The following PHACTR1 variants were observed in gnomAD, a reference collection of about 807,000 sequenced individuals.
The protein encoded by PHACTR1 is phosphatase and actin regulator 1, also known as RPEL repeat containing 1.
Under a neutral mutation model 69.2 loss-of-function variants are expected in PHACTR1, and 16 were observed. That is an observed-to-expected ratio of 0.23 (90% confidence interval 0.16 to 0.35). PHACTR1 has a LOEUF of 0.35. Ranked by LOEUF, PHACTR1 falls within the 10% of genes least tolerant of loss-of-function variation. PHACTR1 has a pLI of 1.00. For missense variants in PHACTR1, 510 were observed against 734.7 expected (o/e 0.69, Z 3.54); for synonymous variants, 312 against 284.5 (o/e 1.10, Z -0.97).
At chr6:12,777,583 T>C (rs953401195) in intron 4 of PHACTR1, among the ~76,000 whole-genome samples, 2 of 151,678 alleles carry the variant, frequency 1.3e-5, no homozygotes, top group African/African-American at 4.8e-5. Context: ...TTTTTATGGC[T>C]GCATAATATT....
At chr6:12,927,715 G>C (rs1207492270) in intron 4 of PHACTR1, among the ~76,000 whole-genome samples, 3 of 152,204 alleles carry the variant, frequency 2.0e-5, no homozygotes, top group African/African-American at 4.8e-5. Flanking sequence ...TGATGACAAT[G>C]CCTGGGGCTC....
chr6:13,205,999 C>T lies in PHACTR1; in HGVS notation c.849C>T (p.Ile283=). The change falls in exon 8 of 15, where the codon ATC becomes ATT. Residue 283 remains isoleucine (I), a synonymous_variant. Coordinates refer to ENST00000332995, the MANE Select transcript of PHACTR1 (RefSeq NM_030948.6). ...ACCACACTGTCCTGCCCTCCCAGATCCAGCACCAGCTGCAGTACGGCAGCC... is the reference window on the plus strand; with the variant it reads ...ACCACACTGTCCTGCCCTCCCAGATTCAGCACCAGCTGCAGTACGGCAGCC... ...QHHHTVLPSQ[I]QHQLQYGSHG... is the part of the protein sequence containing the mutation. 6.2e-7 allele frequency: 1 copy of T among 1,614,004 alleles called. No homozygotes were observed. The highest frequency in any genetic ancestry group is 8.5e-7 in the Non-Finnish European group (1 of 1,179,880).
intron 4 of PHACTR1, among the ~76,000 whole-genome samples, chr6:12,802,642 G>C (rs1021544024): frequency 6.6e-6 from 1 of 152,022 alleles, no homozygotes; most frequent in Non-Finnish European, 1.5e-5. Flanking sequence ...AAACTATGAC[G>C]CAATGCTTTT....
intron 8 of PHACTR1, among the ~76,000 whole-genome samples, chr6:13,207,091 G>A (rs1208106012): frequency 3.9e-5 from 6 of 152,168 alleles, no homozygotes; most frequent in African/African-American, 9.7e-5. Context: ...GCACATGCAC[G>A]CACATATTGT....
chr6:13,000,509 C>T (rs1363285180), intron 4 of PHACTR1, among the ~76,000 whole-genome samples: 1 of 151,646 alleles, frequency 6.6e-6, no homozygotes, highest in Non-Finnish European at 1.5e-5. Flanking sequence ...GATTGCACCA[C>T]TGCACTCCAG....
chr6:12,977,647 G>A (rs1003238268), intron 4 of PHACTR1, among the ~76,000 whole-genome samples: 1 of 152,188 alleles, frequency 6.6e-6, no homozygotes, highest in Non-Finnish European at 1.5e-5. Context: ...TGTAAGGATC[G>A]AAGTTAAATG....
intron 5 of PHACTR1, among the ~76,000 whole-genome samples, chr6:13,087,798 A>C (rs966376250): frequency 6.6e-6 from 1 of 151,818 alleles, no homozygotes; most frequent in African/African-American, 2.4e-5. Flanking sequence ...GGTGCATGCC[A>C]CCACGCCTGG....
intron 10 of PHACTR1, among the ~76,000 whole-genome samples, chr6:13,247,878 A>C (rs1773813922): frequency 6.6e-6 from 1 of 152,106 alleles, no homozygotes; most frequent in South Asian, 2.1e-4. Flanking sequence ...AAAAAAAAAC[A>C]AAAATTTTAA....
At chr6:12,874,548 C>T (rs1734643131) in intron 4 of PHACTR1, among the ~76,000 whole-genome samples, 1 of 152,158 alleles carries the variant, frequency 6.6e-6, no homozygotes, top group African/African-American at 2.4e-5. Context: ...CATTTCTATT[C>T]CTTTTAGCTA....
intron 4 of PHACTR1, among the ~76,000 whole-genome samples, chr6:12,784,456 A>G (rs1771254041): frequency 6.6e-6 from 1 of 151,860 alleles, no homozygotes; most frequent in Non-Finnish European, 1.5e-5. Flanking sequence ...ATACACATAT[A>G]CCTATACACA....
chr6:12,913,463 C>G (rs1486928797), intron 4 of PHACTR1, among the ~76,000 whole-genome samples: 1 of 152,180 alleles, frequency 6.6e-6, no homozygotes, highest in Non-Finnish European at 1.5e-5. Flanking sequence ...CATGTCTCCC[C>G]AGGAAATGTC....
chr6:13,246,964 AT>A lies in PHACTR1; in HGVS notation c.1391+16775del, dbSNP rs1239536842. 6.6e-6 allele frequency among the ~76,000 whole-genome samples: 1 copy of A among 152,240 alleles called. No individual in the cohort carries two copies. Among genetic ancestry groups the A allele is most frequent in the Admixed American group, 6.5e-5 (1 of 15,278 alleles). On this transcript the variant is annotated intron_variant, in intron 10 of 14. Transcript: ENST00000332995. The surrounding 1 kb of genome is among the most constrained non-coding windows in gnomAD (Gnocchi z 4.2). ...TGCATACATGCCTAACTAAATAGTA[AT>A]TTTGAGGCAGAATGTAAACAGGGAA...
At chr6:12,845,757 A>G (rs2127749784) in intron 4 of PHACTR1, among the ~76,000 whole-genome samples, 1 of 152,270 alleles carries the variant, frequency 6.6e-6, no homozygotes, top group East Asian at 1.9e-4. Context: ...GCGTCCCTGC[A>G]ATGTACGTTA....
At chr6:13,181,956 G>C (rs911798212) in intron 6 of PHACTR1, among the ~76,000 whole-genome samples, 2 of 152,128 alleles carry the variant, frequency 1.3e-5, no homozygotes, top group African/African-American at 2.4e-5. Context: ...GAAAATGGCC[G>C]GGCGCGGTGG....
rs72835691 is a variant in PHACTR1, at chr6:12,822,250, G to A, written c.250+72460G>A. ...GGAGATGTTGGCAGAAATAGAAACT[G>A]GCCTGGAGCTGTTCTACATGGTCTT... is the stretch of plus-strand genomic sequence containing the variant. On this transcript the variant is annotated intron_variant, in intron 4 of 14. Coordinates refer to ENST00000332995, the MANE Select transcript of PHACTR1 (RefSeq NM_030948.6). Among the ~76,000 whole-genome samples the A allele has an allele frequency of 1.4e-3, 212 of 152,278 alleles. 1 individual carries two copies. The highest frequency in any genetic ancestry group is 2.7e-3 in the Admixed American group (41 of 15,290).
intron 7 of PHACTR1, chr6:13,185,026 G>A: frequency 1.5e-6 from 2 of 1,341,326 alleles, no homozygotes; most frequent in Non-Finnish European, 2.0e-6. Flanking sequence ...ACGTCTTCTG[G>A]GGCAAGCAGT....
chr6:13,280,991 T>C, intron 12 of PHACTR1: 1 of 1,289,592 alleles, frequency 7.8e-7, no homozygotes. Flanking sequence ...CAACTGTGAC[T>C]CTGAGAGGCA....
intron 4 of PHACTR1, among the ~76,000 whole-genome samples, chr6:12,799,235 T>C (rs1773432916): frequency 6.6e-6 from 1 of 152,156 alleles, no homozygotes. Flanking sequence ...CCATCGGATA[T>C]GTCATCATGA....
intron 7 of PHACTR1, among the ~76,000 whole-genome samples, chr6:13,197,826 C>G (rs1007559089): frequency 6.6e-6 from 1 of 152,184 alleles, no homozygotes; most frequent in African/African-American, 2.4e-5. Flanking sequence ...ATCTCCTCCT[C>G]CACAAGGCTC....
Sources: allele counts gnomAD v4.1 joint callset (sites outside exome capture counted in the v4.1 genomes callset), GRCh38; gene constraint gnomAD v4.1.1; non-coding constraint Gnocchi (gnomAD v3.1); transcripts MANE v1.5; gene names NCBI Gene and HGNC (gene_info 2026-07-23, HGNC 2026-07-21).